The following CNTN5 variants were observed in gnomAD, a reference collection of about 807,000 sequenced individuals.
The protein encoded by CNTN5 is contactin 5.
CNTN5 carries 77 observed loss-of-function variants against 129.1 expected under a neutral mutation model. The observed-to-expected ratio is 0.60, with a 90% CI of 0.50 to 0.72. The LOEUF (loss-of-function observed/expected upper bound fraction) is 0.72. Among genes scored for constraint, CNTN5 ranks in the 30% least tolerant of loss-of-function variants. The pLI is 0.00. For missense variants in CNTN5, 1,478 were observed against 1,328.8 expected (o/e 1.11, Z -1.75); for synonymous variants, 509 against 465.6 (o/e 1.09, Z -1.20).
intron 2 of CNTN5, among the ~76,000 whole-genome samples, chr11:99,526,139 A>G (rs1441286621): frequency 1.3e-5 from 2 of 152,246 alleles, no homozygotes; most frequent in African/African-American, 4.8e-5. Flanking sequence ...CAGTCTATTG[A>G]TACCATAGTC....
chr11:100,117,481 C>A (rs951884796), intron 13 of CNTN5, among the ~76,000 whole-genome samples: 1 of 151,920 alleles, frequency 6.6e-6, no homozygotes, highest in Non-Finnish European at 1.5e-5. Context: ...GTATCTGTTG[C>A]AAAATAGTGT....
chr11:99,883,025 C>A (rs1367041833), intron 6 of CNTN5, among the ~76,000 whole-genome samples: 2 of 152,176 alleles, frequency 1.3e-5, no homozygotes, highest in Non-Finnish European at 2.9e-5. Context: ...TAGTTCCATC[C>A]ATGTTGTTGC....
Position 99,797,829 on chromosome 11 carries a change from T to G in CNTN5, c.56-21715T>G, listed in dbSNP as rs193259472. ...GTGTTGGAATAGGATTTTTTAAAGT[T>G]AAAACGAATGACTTTTATTATAATT... On this transcript the variant is annotated intron_variant, in intron 3 of 24. Coordinates refer to ENST00000524871, the MANE Select transcript of CNTN5 (RefSeq NM_014361.4). Among the ~76,000 whole-genome samples, 704 of 152,286 alleles carry G rather than the reference T, an allele frequency of 4.6e-3. 10 individuals carry two copies. Among genetic ancestry groups the G allele is most frequent in the Non-Finnish European group, 4.0e-3 (272 of 68,024 alleles).
intron 1 of CNTN5, among the ~76,000 whole-genome samples, chr11:99,158,625 A>T (rs1335475850): frequency 6.6e-6 from 1 of 152,174 alleles, no homozygotes; most frequent in Non-Finnish European, 1.5e-5. Flanking sequence ...ACCTAAGAAA[A>T]CATTGTTCTA....
At position 99,396,057 on chromosome 11, in the gene CNTN5, T is replaced by C. The variant is rs1194190906; in HGVS notation, c.-71+70573T>C. ...TTTTGGTTATATATGAATTTTAAAA[T>C]GGCTTTCTCTAGTTCTGTGAAATAT... is the stretch of plus-strand genomic sequence containing the variant. On this transcript the variant is annotated intron_variant, in intron 2 of 24. Transcript: ENST00000524871. Among the ~76,000 whole-genome samples the C allele has an allele frequency of 2.0e-5, 3 of 151,886 alleles. No homozygotes were observed. The East Asian group carries it at 5.8e-4, about 29-fold the overall frequency.
At chr11:99,611,499 C>A (rs1950592121) in intron 3 of CNTN5, among the ~76,000 whole-genome samples, 1 of 152,110 alleles carries the variant, frequency 6.6e-6, no homozygotes, top group Non-Finnish European at 1.5e-5. Flanking sequence ...AAATAAGAGT[C>A]AGTTCAAATT....
intron 2 of CNTN5, among the ~76,000 whole-genome samples, chr11:99,345,926 C>G (rs1937823782): frequency 6.6e-6 from 1 of 151,928 alleles, no homozygotes; most frequent in Admixed American, 6.6e-5. Flanking sequence ...CAAAACAAAT[C>G]AAAAGATACA....
chr11:99,963,511 G>T (rs1951008935), intron 8 of CNTN5, among the ~76,000 whole-genome samples: 1 of 152,032 alleles, frequency 6.6e-6, no homozygotes, highest in Non-Finnish European at 1.5e-5. Context: ...TGTTCTGTTG[G>T]TCTATATCTC....
intron 1 of CNTN5, among the ~76,000 whole-genome samples, chr11:99,057,814 GTGTA>G (rs992954761): frequency 8.6e-5 from 13 of 151,126 alleles, no homozygotes; most frequent in African/African-American, 2.9e-4. Flanking sequence ...GTGTGTGTGT[GTGTA>G]TGGTCATAAA....
intron 3 of CNTN5, among the ~76,000 whole-genome samples, chr11:99,803,187 C>T (rs184934394): frequency 1.3e-5 from 2 of 152,304 alleles, no homozygotes; most frequent in Admixed American, 6.5e-5. Context: ...TGGAGATCTT[C>T]CTGAGCATGG....
intron 1 of CNTN5, among the ~76,000 whole-genome samples, chr11:99,198,533 G>C (rs1324679678): frequency 1.3e-5 from 2 of 151,590 alleles, no homozygotes; most frequent in East Asian, 3.9e-4. Context: ...TATTTAAAGG[G>C]AAAACAAATA....
Position 100,193,575 on chromosome 11 carries a change from C to G in CNTN5, c.1796C>G (p.Ala599Gly). The part of the protein sequence containing the change: ...IVLNCKAIHD[A>G]SLDVTFYWTL... ...CTTAATTGCAAAGCAATTCACGATG[C>G]TAGTTTGGATGTCACTTTCTACTGG... Residue 599 changes from alanine (A) to glycine (G), a missense_variant, in exon 15 of 25, where the codon GCT becomes GGT. Transcript: ENST00000524871. The G allele has an allele frequency of 6.2e-7, 1 of 1,611,544 alleles. No individual in the cohort carries two copies. Among genetic ancestry groups the G allele is most frequent in the Non-Finnish European group, 8.5e-7 (1 of 1,178,482 alleles).
chr11:99,110,797 T>G (rs989800465), intron 1 of CNTN5, among the ~76,000 whole-genome samples: 1 of 152,184 alleles, frequency 6.6e-6, no homozygotes, highest in African/African-American at 2.4e-5. Flanking sequence ...TGTTTAAAAG[T>G]ATTTTAGAAA....
At chr11:99,784,693 G>T (rs957807799) in intron 3 of CNTN5, among the ~76,000 whole-genome samples, 1 of 151,690 alleles carries the variant, frequency 6.6e-6, no homozygotes, top group African/African-American at 2.4e-5. Context: ...CCCACCAACA[G>T]TGTAAAAGCA....
intron 6 of CNTN5, among the ~76,000 whole-genome samples, chr11:99,859,691 T>C (rs924847606): frequency 1.3e-5 from 2 of 152,226 alleles, no homozygotes; most frequent in Non-Finnish European, 2.9e-5. Context: ...CATTCTTTTT[T>C]ATAGTTATGT....
chr11:99,595,557 G>T (rs900674932), intron 3 of CNTN5, among the ~76,000 whole-genome samples: 4 of 152,110 alleles, frequency 2.6e-5, no homozygotes, highest in Admixed American at 6.6e-5. Flanking sequence ...AAAGCGATTT[G>T]TGGAAAAGCA....
intron 6 of CNTN5, among the ~76,000 whole-genome samples, chr11:99,910,362 T>C (rs1276887651): frequency 6.6e-6 from 1 of 152,102 alleles, no homozygotes; most frequent in Non-Finnish European, 1.5e-5. Context: ...TCTTATTTGC[T>C]CTAGAGTGTG....
chr11:99,905,391 T>C (rs1047787424), intron 6 of CNTN5, among the ~76,000 whole-genome samples: 2 of 152,200 alleles, frequency 1.3e-5, no homozygotes, highest in African/African-American at 2.4e-5. Flanking sequence ...GTTTATTAAA[T>C]AGAAAATTCT....
chr11:99,059,065 C>T (rs1864759074), intron 1 of CNTN5, among the ~76,000 whole-genome samples: 1 of 148,502 alleles, frequency 6.7e-6, no homozygotes, highest in Admixed American at 6.8e-5. Flanking sequence ...CCTTCTCTCC[C>T]CTTGCCTCCC....
Sources: allele counts gnomAD v4.1 joint callset (sites outside exome capture counted in the v4.1 genomes callset), GRCh38; gene constraint gnomAD v4.1.1; transcripts MANE v1.5; gene names NCBI Gene and HGNC (gene_info 2026-07-23, HGNC 2026-07-21).